Variants in PBRM1 observed in about 807,000 individuals in gnomAD.
The protein encoded by PBRM1 is protein polybromo-1.
A neutral mutation model predicts 194.5 loss-of-function variants in PBRM1; 27 were observed. The ratio of observed to expected loss-of-function variants is 0.14; its 90% CI spans 0.10 to 0.19. The LOEUF is 0.19. Ranked by LOEUF, PBRM1 falls within the 10% of genes least tolerant of loss-of-function variation. The pLI is 1.00. For synonymous variants in PBRM1, 655 were observed against 693.2 expected, an observed-to-expected ratio of 0.94 and a Z score of 0.87; for missense variants, 1,466 against 2,077.2, an observed-to-expected ratio of 0.71 and a Z score of 5.72.
chr3:52,676,999 G>A (rs2097120781), intron 2 of PBRM1, among the ~76,000 whole-genome samples: 1 of 152,204 alleles, frequency 6.6e-6, no homozygotes. Flanking sequence ...AAGCATTCAA[G>A]AGGTGAGTTG....
intron 27 of PBRM1, among the ~76,000 whole-genome samples, chr3:52,554,114 G>C (rs2081691076): frequency 6.6e-6 from 1 of 152,180 alleles, no homozygotes; most frequent in African/African-American, 2.4e-5. Context: ...ATGCTTCTTA[G>C]GGAACTCACA....
chr3:52,685,526 C>T (rs1320630824), intron 1 of PBRM1: 3 of 151,902 alleles, frequency 2.0e-5, no homozygotes, highest in Non-Finnish European at 2.9e-5. Flanking sequence ...GAGTTTCCGA[C>T]CCGTAGTGCG....
intron 17 of PBRM1, among the ~76,000 whole-genome samples, chr3:52,589,618 T>C (rs536643410): frequency 1.3e-5 from 2 of 152,342 alleles, no homozygotes; most frequent in South Asian, 4.1e-4. Context: ...TAATCTCTGA[T>C]ATACTTCATC....
chr3:52,574,485 G>T (rs752083190), intron 22 of PBRM1, among the ~76,000 whole-genome samples: 12 of 152,148 alleles, frequency 7.9e-5, no homozygotes, highest in Non-Finnish European at 1.2e-4. Context: ...GGGGCAAAGG[G>T]TATCAGTCAG....
upstream of PBRM1, chr3:52,679,725 T>C (rs1277970536): frequency 6.2e-7 from 1 of 1,611,672 alleles, no homozygotes; most frequent in East Asian, 2.2e-5. Flanking sequence ...ATCCAACTTC[T>C]TCTATAAGAA....
At chr3:52,590,980 C>T (rs564825967) in intron 17 of PBRM1, among the ~76,000 whole-genome samples, 3 of 152,266 alleles carry the variant, frequency 2.0e-5, no homozygotes, top group African/African-American at 7.2e-5. Flanking sequence ...TTTCACCTCC[C>T]TGGTTAGCTG....
chr3:52,640,712 G>T (rs2096046442), intron 10 of PBRM1, among the ~76,000 whole-genome samples: 1 of 152,060 alleles, frequency 6.6e-6, no homozygotes, highest in African/African-American at 2.4e-5. Context: ...TGTGATCTCG[G>T]TTTACTGCAG....
chr3:52,596,903 C>T (rs1043466323), intron 17 of PBRM1, among the ~76,000 whole-genome samples: 18 of 152,072 alleles, frequency 1.2e-4, no homozygotes, highest in Non-Finnish European at 2.4e-4. Context: ...TAGGACTTGC[C>T]TAATAGTTGT....
At chr3:52,561,635 G>T in intron 25 of PBRM1, 132 bp downstream of exon 27, 1 of 779,262 alleles carries the variant, frequency 1.3e-6, no homozygotes, top group South Asian at 1.5e-5. Context: ...CTGGTTGGGT[G>T]CCATTTGGAA....
intron 5 of PBRM1, among the ~76,000 whole-genome samples, chr3:52,654,251 T>A (rs1374236259): frequency 6.6e-6 from 1 of 152,142 alleles, no homozygotes; most frequent in South Asian, 2.1e-4. Flanking sequence ...GAACAGATTA[T>A]CTCAGTGTTG....
In PBRM1 at chr3:52,642,047, TAC is replaced by T. The variant is rs1491243173; in HGVS notation, c.996-4_996-3del. The stretch of plus-strand genomic sequence containing the variant: ...CCTCCTTGTACTGCTCTTTTATTAC[TAC>T]AAAAAAAAAAAAAGCAATTAGACAG... On this transcript the variant is annotated splice_polypyrimidine_tract_variant and splice_region_variant and intron_variant, in intron 9 of 29. Transcript: ENST00000296302. 1,257 of 1,345,704 alleles carry T rather than the reference TAC, an allele frequency of 9.3e-4. No homozygotes were observed. The highest frequency in any genetic ancestry group is 1.1e-3 in the Admixed American group (56 of 48,994). 83.4% of individuals were successfully genotyped at this position (1,345,704 alleles called of 1,614,324 possible).
chr3:52,655,572 G>A (rs1560838826), intron 5 of PBRM1, among the ~76,000 whole-genome samples: 1 of 152,018 alleles, frequency 6.6e-6, no homozygotes, highest in African/African-American at 2.4e-5. Flanking sequence ...ACTTTCTTTG[G>A]AGTATATATC....
chr3:52,647,224 CT>C (rs2096320537), intron 7 of PBRM1, among the ~76,000 whole-genome samples: 1 of 151,596 alleles, frequency 6.6e-6, no homozygotes, highest in South Asian at 2.1e-4. Flanking sequence ...CCACTGCACA[CT>C]CCCTAGGATA....
At chr3:52,661,492 CATT>C (rs1393830579) in intron 4 of PBRM1, among the ~76,000 whole-genome samples, 2 of 152,094 alleles carry the variant, frequency 1.3e-5, no homozygotes, top group Non-Finnish European at 2.9e-5. Context: ...CATATAGTGA[CATT>C]ATAAAAACTG....
chr3:52,620,842 A>T (rs1217828064), intron 13 of PBRM1, among the ~76,000 whole-genome samples: 1 of 152,232 alleles, frequency 6.6e-6, no homozygotes, highest in African/African-American at 2.4e-5. Context: ...CCTCAAAGAA[A>T]GCAAAATTTC....
At chr3:52,616,834 C>T (rs1046865089) in intron 14 of PBRM1, among the ~76,000 whole-genome samples, 3 of 152,112 alleles carry the variant, frequency 2.0e-5, no homozygotes, top group African/African-American at 4.8e-5. Flanking sequence ...CGTTGAGGAT[C>T]GTAGTAATGA....
intron 22 of PBRM1, among the ~76,000 whole-genome samples, chr3:52,571,556 G>C (rs1387631565): frequency 2.7e-5 from 4 of 149,390 alleles, no homozygotes; most frequent in African/African-American, 9.9e-5. Flanking sequence ...AACCCAGGAG[G>C]TGGAGGTTGC....
intron 7 of PBRM1, among the ~76,000 whole-genome samples, chr3:52,646,688 A>G (rs891130864): frequency 3.3e-5 from 5 of 152,198 alleles, no homozygotes; most frequent in Non-Finnish European, 7.4e-5. Flanking sequence ...TAGTGCTGGG[A>G]TAATATCTCA....
chr3:52,567,780 T>C (rs1314615161), intron 22 of PBRM1, among the ~76,000 whole-genome samples: 1 of 149,494 alleles, frequency 6.7e-6, no homozygotes, highest in Non-Finnish European at 1.5e-5. Context: ...TACAGGCGTG[T>C]GCCACCATGC....
Sources: gnomAD v4.1 joint callset for allele counts (sites outside exome capture counted in the v4.1 genomes callset) on GRCh38, gnomAD v4.1.1 for gene constraint, MANE v1.5 for transcripts, NCBI Gene and HGNC (gene_info 2026-07-23, HGNC 2026-07-21) for gene names.